HTR7: variants seen among roughly 807,000 people sequenced by gnomAD.
HTR7 encodes 5-hydroxytryptamine receptor 7.
Under a neutral mutation model 34.0 loss-of-function variants are expected in HTR7, and 16 were observed. The ratio of observed to expected loss-of-function variants is 0.47; its 90% CI spans 0.32 to 0.71. HTR7 has a LOEUF of 0.71. HTR7 is among the 30% of genes least tolerant of loss of function. HTR7 has a pLI of 0.04. For synonymous variants in HTR7, 265 were observed against 260.2 expected, an observed-to-expected ratio of 1.02 and a Z score of -0.18; for missense variants, 504 against 625.5, an observed-to-expected ratio of 0.81 and a Z score of 2.07.
rs545859841 is a variant in HTR7, at chr10:90,763,713, A to G, written c.540-14119T>C. Among the ~76,000 whole-genome samples the G allele has an allele frequency of 2.0e-4, 30 of 152,142 alleles. 1 individual carries two copies. In the South Asian group the frequency reaches 5.2e-3, roughly 26 times the overall value. On this transcript the variant is annotated intron_variant, in intron 1 of 3. Transcript: ENST00000336152. Reference sequence around the variant, plus strand: ...CTCCTACTTATGAGTGAGAACATGCAGTGTTTGGTTTTCTTTCCTGTGTTA... The same window carrying G: ...CTCCTACTTATGAGTGAGAACATGCGGTGTTTGGTTTTCTTTCCTGTGTTA...
At chr10:90,849,257 G>A (rs538029656) in intron 1 of HTR7, among the ~76,000 whole-genome samples, 2 of 152,216 alleles carry the variant, frequency 1.3e-5, no homozygotes, top group Non-Finnish European at 2.9e-5. Flanking sequence ...TTGCAACGTA[G>A]TTCACCAATT....
chr10:90,768,256 A>T (rs1273339947), intron 1 of HTR7, among the ~76,000 whole-genome samples: 1 of 152,194 alleles, frequency 6.6e-6, no homozygotes, highest in Non-Finnish European at 1.5e-5. Flanking sequence ...CAAGTATTGC[A>T]ATAGCCTCTA....
chr10:90,790,803 CAGAGAGAG>C (rs141680924), intron 1 of HTR7, among the ~76,000 whole-genome samples: 2 of 150,096 alleles, frequency 1.3e-5, no homozygotes, highest in Non-Finnish European at 3.0e-5. Flanking sequence ...CAATATTATG[CAGAGAGAG>C]AGAGAGAAAG....
chr10:90,856,901 G>A (rs1406755796), intron 1 of HTR7, among the ~76,000 whole-genome samples: 1 of 152,194 alleles, frequency 6.6e-6, no homozygotes, highest in Non-Finnish European at 1.5e-5. Flanking sequence ...TCTTAAATTC[G>A]TCACTACAGT....
At chr10:90,831,764 A>G (rs1299073463) in intron 1 of HTR7, among the ~76,000 whole-genome samples, 1 of 152,020 alleles carries the variant, frequency 6.6e-6, no homozygotes, top group Non-Finnish European at 1.5e-5. Context: ...CCACGTCCCC[A>G]CTAGATTAGC....
At chr10:90,847,190 A>G (rs892033230) in intron 1 of HTR7, among the ~76,000 whole-genome samples, 3 of 152,156 alleles carry the variant, frequency 2.0e-5, no homozygotes, top group Non-Finnish European at 4.4e-5. Flanking sequence ...TTCCTCCTAC[A>G]TCAAGTGGGG....
chr10:90,853,439 C>A (rs1402752439), intron 1 of HTR7, among the ~76,000 whole-genome samples: 1 of 151,056 alleles, frequency 6.6e-6, no homozygotes, highest in Non-Finnish European at 1.5e-5. Flanking sequence ...GCATTTGCCA[C>A]CATGCCTGGC....
Position 90,743,635 on chromosome 10 carries a change from C to T in HTR7, c.1351G>A (p.Val451Met). 1.2e-6 allele frequency: 2 copies of T among 1,614,054 alleles called. No homozygotes were observed. The highest frequency in any genetic ancestry group is 1.7e-6 in the Non-Finnish European group (2 of 1,179,916). ...TGGTCTGGAGATTGTAGCACCCACA[C>T]AGATACCGGTGGCCTCTTTTCTGGT... is the stretch of plus-strand genomic sequence containing the variant. The part of the protein sequence containing the change: ...LRPEKRPPVS[V>M]WVLQSPDHHN... The change falls in exon 3 of 4, where the codon GTG becomes ATG. Residue 451 changes from valine to methionine, a missense_variant. Transcript: ENST00000336152.
intron 1 of HTR7, among the ~76,000 whole-genome samples, chr10:90,829,046 A>G (rs1440184597): frequency 2.0e-5 from 3 of 152,246 alleles, no homozygotes; most frequent in Non-Finnish European, 2.9e-5. Flanking sequence ...AAGATCGTTC[A>G]TCATGACCAA....
At chr10:90,772,774 T>G (rs1845136954) in intron 1 of HTR7, among the ~76,000 whole-genome samples, 1 of 152,230 alleles carries the variant, frequency 6.6e-6, no homozygotes, top group African/African-American at 2.4e-5. Flanking sequence ...GCCTCATGTT[T>G]TTATTAAATA....
intron 1 of HTR7, among the ~76,000 whole-genome samples, chr10:90,856,070 G>A (rs1846575578): frequency 6.6e-6 from 1 of 151,706 alleles, no homozygotes; most frequent in Admixed American, 6.6e-5. Context: ...TTTTAAGTGT[G>A]GAGGCATCAA....
chr10:90,839,252 C>G (rs1261981589), intron 1 of HTR7, among the ~76,000 whole-genome samples: 2 of 152,146 alleles, frequency 1.3e-5, no homozygotes, highest in African/African-American at 4.8e-5. Context: ...AAGACTTCTA[C>G]TGAAAATAGC....
chr10:90,813,937 CA>C (rs1029239460), intron 1 of HTR7, among the ~76,000 whole-genome samples: 86 of 152,306 alleles, frequency 5.6e-4, no homozygotes, highest in African/African-American at 1.9e-3. Flanking sequence ...ATAGCCTCCT[CA>C]AGCCTGTCTA....
At chr10:90,745,019 T>G (rs1844612372) in intron 2 of HTR7, among the ~76,000 whole-genome samples, 1 of 152,200 alleles carries the variant, frequency 6.6e-6, no homozygotes, top group Admixed American at 6.5e-5. Context: ...TTCATATCCT[T>G]CAGGAAGTCT....
intron 1 of HTR7, among the ~76,000 whole-genome samples, chr10:90,771,675 G>A (rs1375021979): frequency 1.3e-5 from 2 of 152,220 alleles, no homozygotes; most frequent in African/African-American, 2.4e-5. Context: ...ATGTCTGACT[G>A]TGCAGTGGCC....
At chr10:90,744,442 A>G (rs1238127691) in intron 2 of HTR7, among the ~76,000 whole-genome samples, 2 of 151,948 alleles carry the variant, frequency 1.3e-5, no homozygotes, top group Non-Finnish European at 2.9e-5. Flanking sequence ...ACACAGTGCT[A>G]CTGCATCAGT....
chr10:90,783,884 A>G (rs1845343555), intron 1 of HTR7, among the ~76,000 whole-genome samples: 1 of 152,070 alleles, frequency 6.6e-6, no homozygotes, highest in Admixed American at 6.5e-5. Context: ...ATGGCTCTTC[A>G]CCATTACTTT....
intron 1 of HTR7, among the ~76,000 whole-genome samples, chr10:90,845,999 GA>G (rs1460609233): frequency 3.3e-5 from 5 of 151,136 alleles, no homozygotes; most frequent in South Asian, 2.1e-4. Flanking sequence ...TGCCAAGGTG[GA>G]AAAAAAAAGT....
chr10:90,825,932 T>C (rs1390429300), intron 1 of HTR7, among the ~76,000 whole-genome samples: 2 of 152,088 alleles, frequency 1.3e-5, no homozygotes, highest in Admixed American at 1.3e-4. Context: ...GAGATAGGGA[T>C]TGAAAGTTTA....
Sources: gnomAD v4.1 joint callset for allele counts (sites outside exome capture counted in the v4.1 genomes callset) on GRCh38, gnomAD v4.1.1 for gene constraint, MANE v1.5 for transcripts, NCBI Gene and HGNC (gene_info 2026-07-23, HGNC 2026-07-21) for gene names.